The following GPBP1L1 variants were observed in gnomAD, a reference collection of about 807,000 sequenced individuals.
The protein encoded by GPBP1L1 is GC-rich promoter binding protein 1 like 1.
GPBP1L1 carries 23 observed loss-of-function variants against 52.5 expected under a neutral mutation model. The observed-to-expected ratio is 0.44, with a 90% CI of 0.32 to 0.62. The LOEUF is 0.62. Among genes scored for constraint, GPBP1L1 ranks in the 20% least tolerant of loss-of-function variants. The pLI is 0.06. For synonymous variants in GPBP1L1, 243 were observed against 203.1 expected (o/e 1.20, Z -1.67); for missense variants, 596 against 579.3 (o/e 1.03, Z -0.30).
chr1:45,672,688 G>A (rs1304244336), intron 2 of GPBP1L1, among the ~76,000 whole-genome samples: 3 of 152,162 alleles, frequency 2.0e-5, no homozygotes, highest in East Asian at 3.8e-4. Flanking sequence ...CAAAGTGAAC[G>A]TAAAAAGAGA....
At chr1:45,683,196 T>C (rs1189065810) in intron 2 of GPBP1L1, among the ~76,000 whole-genome samples, 1 of 145,156 alleles carries the variant, frequency 6.9e-6, no homozygotes, top group Non-Finnish European at 1.5e-5. Context: ...TAAATTTGAA[T>C]ATAGGCCTTT....
chr1:45,655,120 T>C, intron 5 of GPBP1L1, 70 bp downstream of exon 5: 1 of 1,574,668 alleles, frequency 6.4e-7, no homozygotes, highest in Non-Finnish European at 8.7e-7. Context: ...ATTACAGACA[T>C]GTACCCACAG....
At chr1:45,645,723 G>A (rs1644734934) in intron 6 of GPBP1L1, 1 of 334,740 alleles carries the variant, frequency 3.0e-6, no homozygotes, top group African/African-American at 2.2e-5. Context: ...TTGTTCTTCA[G>A]TAGTTCTCAG....
In GPBP1L1 at chr1:45,628,006, A is replaced by ATGTG. The variant is rs556590492; in HGVS notation, c.*246_*249dup. On this transcript the variant is annotated 3_prime_UTR_variant, in exon 13 of 13. Transcript: ENST00000355105. ...ATCGCCCCATATATACTGGGTGTGT[A>ATGTG]TGTGTGTGTGTGTGTGAGTGTGTTT... 207 of 407,106 alleles carry ATGTG rather than the reference A, an allele frequency of 5.1e-4. No homozygotes were observed. Among genetic ancestry groups the ATGTG allele is most frequent in the Middle Eastern group, 2.1e-3 (3 of 1,414 alleles). The allele number at this position is 407,106 out of a possible 1,614,324, so 25.2% of individuals were successfully genotyped here.
At chr1:45,670,507 G>C (rs576030342) in intron 2 of GPBP1L1, among the ~76,000 whole-genome samples, 162 of 152,058 alleles carry the variant, frequency 1.1e-3, no homozygotes, top group African/African-American at 3.7e-3. Flanking sequence ...GTTTGTAACA[G>C]TTCTTCTCCA....
intron 7 of GPBP1L1, among the ~76,000 whole-genome samples, 163 bp downstream of exon 7, chr1:45,642,264 T>A (rs1644683983): frequency 6.6e-6 from 1 of 152,032 alleles, no homozygotes; most frequent in Admixed American, 6.5e-5. Flanking sequence ...GGTTGGGCGG[T>A]GGGGTAGGGG....
chr1:45,646,428 G>C (rs891910892), intron 6 of GPBP1L1, among the ~76,000 whole-genome samples: 3 of 152,082 alleles, frequency 2.0e-5, no homozygotes, highest in Non-Finnish European at 4.4e-5. Context: ...ATGGCCAAAG[G>C]ATATCTTTCT....
At chr1:45,659,610 T>G (rs967519646) in intron 3 of GPBP1L1, among the ~76,000 whole-genome samples, 3 of 152,234 alleles carry the variant, frequency 2.0e-5, no homozygotes, top group African/African-American at 7.2e-5. Context: ...GAGATTAATC[T>G]GCTTCAAGTA....
At chr1:45,658,977 C>T in intron 4 of GPBP1L1, 51 bp downstream of exon 4, 1 of 1,288,820 alleles carries the variant, frequency 7.8e-7, no homozygotes. Flanking sequence ...CCAAAACCAC[C>T]CCCAAACCCT....
chr1:45,647,942 T>G (rs1438672954), intron 6 of GPBP1L1, among the ~76,000 whole-genome samples: 1 of 151,988 alleles, frequency 6.6e-6, no homozygotes, highest in Non-Finnish European at 1.5e-5. Flanking sequence ...TGTGTGTATG[T>G]TTTTTTCTTT....
chr1:45,659,599 A>G (rs988748403), intron 3 of GPBP1L1, among the ~76,000 whole-genome samples: 1 of 152,224 alleles, frequency 6.6e-6, no homozygotes, highest in African/African-American at 2.4e-5. Context: ...ACTTATGAAA[A>G]GAGATTAATC....
chr1:45,651,461 C>A, intron 6 of GPBP1L1: 3 of 430,984 alleles, frequency 7.0e-6, no homozygotes, highest in African/African-American at 2.1e-5. Flanking sequence ...CCTTTGCTGG[C>A]AGCTTTCTTC....
intron 4 of GPBP1L1, 38 bp from the exon 5 acceptor site, chr1:45,655,357 A>C (rs535677313): frequency 6.2e-7 from 1 of 1,609,608 alleles, no homozygotes; most frequent in African/African-American, 1.3e-5. Flanking sequence ...ATGGATAAAT[A>C]GCTATTAGTC....
chr1:45,638,946 C>CT (rs781327290), intron 8 of GPBP1L1, among the ~76,000 whole-genome samples: 2 of 152,144 alleles, frequency 1.3e-5, no homozygotes, highest in Non-Finnish European at 2.9e-5. Flanking sequence ...ACTCTGCACA[C>CT]TGACTATAGG....
rs1644988842 is a variant in GPBP1L1, at chr1:45,664,669, TTTTG to T, written c.-1097-3448_-1097-3445del. Among the ~76,000 whole-genome samples, 3 of 77,744 alleles carry T rather than the reference TTTTG, an allele frequency of 3.9e-5. No homozygotes were observed. In the South Asian group the frequency reaches 1.5e-3, roughly 39 times the overall value. 51.0% of individuals were successfully genotyped at this position (77,744 alleles called of 152,430 possible). On this transcript the variant is annotated intron_variant, in intron 2 of 12. Transcript: ENST00000355105. ...CCTGAGCTCAAGCATCTCACAGTTT[TTTTG>T]TTTTGTTTTGTTTTGTTTTTGAGAT...
At chr1:45,686,706 G>C (rs1051966812), upstream of GPBP1L1, 4 of 152,448 alleles carry the variant, frequency 2.6e-5, no homozygotes, top group East Asian at 7.7e-4. Context: ...CGCTGCCAAC[G>C]TTCGGCCTCC....
chr1:45,682,752 A>C (rs369402738), intron 2 of GPBP1L1, among the ~76,000 whole-genome samples: 3 of 152,246 alleles, frequency 2.0e-5, no homozygotes, highest in Non-Finnish European at 4.4e-5. Context: ...ATCACCTATA[A>C]AAATTCAATT....
intron 2 of GPBP1L1, among the ~76,000 whole-genome samples, chr1:45,667,814 C>A (rs1645028204): frequency 6.6e-6 from 1 of 152,188 alleles, no homozygotes; most frequent in Non-Finnish European, 1.5e-5. Context: ...ATGGCTCAAT[C>A]TTGGCTCACT....
chr1:45,655,340 G>A (rs1557708752), intron 4 of GPBP1L1, 21 bp from the exon 5 acceptor site: 4 of 1,613,146 alleles, frequency 2.5e-6, no homozygotes, highest in Admixed American at 3.3e-5. Context: ...GAAGTATGGA[G>A]AGGCAAATGG....
Sources: gnomAD v4.1 joint callset for allele counts (sites outside exome capture counted in the v4.1 genomes callset) on GRCh38, gnomAD v4.1.1 for gene constraint, MANE v1.5 for transcripts, NCBI Gene and HGNC (gene_info 2026-07-23, HGNC 2026-07-21) for gene names.